Variants in NR5A1 observed in about 807,000 individuals in gnomAD.
NR5A1 encodes the protein steroidogenic factor 1.
A neutral mutation model predicts 42.7 loss-of-function variants in NR5A1; 6 were observed. The ratio of observed to expected loss-of-function variants is 0.14; its 90% CI spans 0.08 to 0.28. NR5A1 has a LOEUF of 0.28. NR5A1 is among the 10% of genes least tolerant of loss of function. The probability of loss-of-function intolerance (pLI) is 1.00; values close to 1 mark genes in which losing one functional copy is unlikely to be tolerated. For synonymous variants in NR5A1, 274 were observed against 277.5 expected (o/e 0.99, Z 0.12); for missense variants, 442 against 626.4 (o/e 0.71, Z 3.14).
intron 4 of NR5A1, among the ~76,000 whole-genome samples, chr9:124,497,263 G>C (rs149860416): frequency 0.013 from 1,976 of 152,288 alleles, 25 homozygotes; most frequent in Middle Eastern, 0.031. Flanking sequence ...TCAAGACGAG[G>C]AAACTGAGGC....
chr9:124,500,093 C>G lies in NR5A1; in HGVS notation c.867G>C (p.Leu289=). Residue 289 remains leucine, a synonymous_variant, in exon 4 of 7, where the codon CTG becomes CTC. Coordinates refer to ENST00000373588, the MANE Select transcript of NR5A1 (RefSeq NM_004959.5). This position sits in a 1 kb window ranked among gnomAD's most constrained non-coding sequence, Gnocchi z 6.9. Reference sequence around the variant, plus strand: ...CCGGGCGGGAGGAGAGACTCACCTCCAGCTCCTTGAAGACCATGCACCTGC... The same window carrying G: ...CCGGGCGGGAGGAGAGACTCACCTCGAGCTCCTTGAAGACCATGCACCTGC... The part of the protein sequence containing the change: ...WARRCMVFKE[L]EVADQMTLLQ... 6.2e-7 allele frequency: 1 copy of G among 1,613,130 alleles called. No individual in the cohort carries two copies. The highest frequency in any genetic ancestry group is 8.5e-7 in the Non-Finnish European group (1 of 1,180,036).
chr9:124,504,298 G>C (rs781660328), intron 1 of NR5A1, among the ~76,000 whole-genome samples: 2 of 152,188 alleles, frequency 1.3e-5, no homozygotes, highest in Non-Finnish European at 2.9e-5. Context: ...CAGGGGACGC[G>C]CGGAAACCTG....
At chr9:124,507,183 A>C (rs1187095243) in intron 1 of NR5A1, 66 bp downstream of exon 1, 1 of 152,480 alleles carries the variant, frequency 6.6e-6, no homozygotes, top group Non-Finnish European at 1.5e-5. Context: ...TGGCCGGCCC[A>C]GGCTGCAGGG....
chr9:124,506,579 C>T (rs1832563893), intron 1 of NR5A1, among the ~76,000 whole-genome samples: 1 of 152,230 alleles, frequency 6.6e-6, no homozygotes, highest in African/African-American at 2.4e-5. Context: ...GCTGGACACA[C>T]AGGCCCCAGC....
intron 5 of NR5A1, 128 bp from the exon 6 acceptor site, chr9:124,491,356 G>T (rs1048287096): frequency 4.1e-6 from 3 of 728,278 alleles, no homozygotes; most frequent in East Asian, 2.6e-5. Flanking sequence ...GGCGTCAGGA[G>T]GGCCCAGCCT....
In NR5A1 at chr9:124,503,031, C is replaced by A. The variant is rs1407741887; in HGVS notation, c.244+48G>T. 9.8e-6 allele frequency: 15 copies of A among 1,535,306 alleles called. No individual in the cohort carries two copies. The highest frequency in any genetic ancestry group is 1.3e-5 in the Non-Finnish European group (15 of 1,145,550). On this transcript the variant is annotated intron_variant, in intron 3 of 6. Transcript: ENST00000373588. The surrounding 1 kb of genome is among the most constrained non-coding windows in gnomAD (Gnocchi z 9.6). ...CCCCTCTCCCACCCCCACCCCCTAC[C>A]CCCTCAGGCTGTGGGGGGTCAGGGG... is the stretch of plus-strand genomic sequence containing the variant.
At chr9:124,491,022 C>G in intron 6 of NR5A1, 59 bp downstream of exon 6, 2 of 552,562 alleles carry the variant, frequency 3.6e-6, no homozygotes, top group East Asian at 5.4e-5. Context: ...GCCTCACCCA[C>G]CCTCCCACCC....
intron 6 of NR5A1, among the ~76,000 whole-genome samples, chr9:124,487,264 T>C (rs1832227514): frequency 6.6e-6 from 1 of 152,248 alleles, no homozygotes; most frequent in African/African-American, 2.4e-5. Flanking sequence ...GTTGTCCCAA[T>C]AGCGGTAACT....
rs559056996 is a variant in NR5A1 at position 124,496,205 on chromosome 9, C to T, written c.871-3056G>A. On this transcript the variant is annotated intron_variant, in intron 4 of 6. Transcript: ENST00000373588. This position sits in a 1 kb window ranked among gnomAD's most constrained non-coding sequence, Gnocchi z 5.0. ...ATGCGCACACACACACACACACACA[C>T]ACAACCTCTTTTTATTTAAAAGAAA... Among the ~76,000 whole-genome samples, 13 of 152,090 alleles carry T rather than the reference C, an allele frequency of 8.5e-5. 1 individual carries two copies. In the South Asian group the frequency reaches 2.7e-3, roughly 32 times the overall value.
At chr9:124,486,743 C>T (rs7028021) in intron 6 of NR5A1, among the ~76,000 whole-genome samples, 62,021 of 152,000 alleles carry the variant, frequency 0.41, 13,952 homozygotes, top group Non-Finnish European at 0.51. Context: ...AAGATTCCAG[C>T]GGATAACACA....
intron 5 of NR5A1, among the ~76,000 whole-genome samples, chr9:124,491,547 G>C (rs1412706631): frequency 6.6e-6 from 1 of 152,154 alleles, no homozygotes; most frequent in Non-Finnish European, 1.5e-5. Flanking sequence ...AGCTCAGGGG[G>C]CCCCTCTACA....
chr9:124,486,146 G>T (rs972987071), intron 6 of NR5A1, among the ~76,000 whole-genome samples: 1 of 152,054 alleles, frequency 6.6e-6, no homozygotes, highest in African/African-American at 2.4e-5. Flanking sequence ...TTTCAGGGAT[G>T]CCCCCACCCC....
chr9:124,485,403 G>A (rs1471197422), intron 6 of NR5A1, among the ~76,000 whole-genome samples: 1 of 152,098 alleles, frequency 6.6e-6, no homozygotes, highest in Admixed American at 6.5e-5. Context: ...AGAGCGCCAC[G>A]CTCCTGGCAA....
intron 6 of NR5A1, among the ~76,000 whole-genome samples, chr9:124,483,557 C>A (rs1439593027): frequency 6.6e-6 from 1 of 152,174 alleles, no homozygotes; most frequent in East Asian, 1.9e-4. Context: ...ACAATAATGC[C>A]ATCACAATGG....
In NR5A1 at chr9:124,500,835, G is replaced by T; in HGVS notation, c.245-120C>A. The T allele has an allele frequency of 6.7e-7, 1 of 1,485,640 alleles. No individual in the cohort carries two copies. The highest frequency in any genetic ancestry group is 9.3e-7 in the Non-Finnish European group (1 of 1,072,684). 92.0% of individuals were successfully genotyped at this position (1,485,640 alleles called of 1,614,324 possible). On this transcript the variant is annotated intron_variant, in intron 3 of 6. Transcript: ENST00000373588. This position sits in a 1 kb window ranked among gnomAD's most constrained non-coding sequence, Gnocchi z 6.9. Reference sequence around the variant, plus strand: ...CTCCCCTGCTCAACACCCTTTCATGGCTCCCACTGACCACAGGGGAAGTCA... The same window carrying T: ...CTCCCCTGCTCAACACCCTTTCATGTCTCCCACTGACCACAGGGGAAGTCA...
At position 124,496,895 on chromosome 9, in the gene NR5A1, G is replaced by A. The variant is rs1272903460; in HGVS notation, c.870+3195C>T. ...CTGTCCTTCGCAGTAAGTGACGAGAGGCTGACTGCCTGGGCCCTGGGCACT... is the reference window on the plus strand; with the variant it reads ...CTGTCCTTCGCAGTAAGTGACGAGAAGCTGACTGCCTGGGCCCTGGGCACT... On this transcript the variant is annotated intron_variant, in intron 4 of 6. Transcript: ENST00000373588. The surrounding 1 kb of genome is among the most constrained non-coding windows in gnomAD (Gnocchi z 5.0). Among the ~76,000 whole-genome samples the A allele has an allele frequency of 6.6e-6, 1 of 152,230 alleles. No homozygotes were observed. The highest frequency in any genetic ancestry group is 1.5e-5 in the Non-Finnish European group (1 of 68,044).
rs1832469661 is a variant in NR5A1, at chr9:124,501,401, G to A, written c.245-686C>T. On this transcript the variant is annotated intron_variant, in intron 3 of 6. Transcript: ENST00000373588. The surrounding 1 kb of genome is among the most constrained non-coding windows in gnomAD (Gnocchi z 4.1). ...GGCCAAGGCTCTATGCTGGGGGAGG[G>A]GACCTCTCTTGCCGACTAGAAGCTC... is the stretch of plus-strand genomic sequence containing the variant. Among the ~76,000 whole-genome samples the A allele has an allele frequency of 6.6e-6, 1 of 152,194 alleles. No individual in the cohort carries two copies. Among genetic ancestry groups the A allele is most frequent in the Admixed American group, 6.5e-5 (1 of 15,284 alleles).
chr9:124,481,353 C>CGG lies in NR5A1; in HGVS notation c.*1403_*1404dup, dbSNP rs201696716. The CGG allele has an allele frequency of 1.6e-4, 9 of 56,298 alleles. 1 individual carries two copies. The highest frequency in any genetic ancestry group is 6.3e-4 in the African/African-American group (9 of 14,264). The allele number at this position is 56,298 out of a possible 1,614,324, so 3.5% of individuals were successfully genotyped here. ...TGGCAGGGGCACATGTTTCAGGGGGCGGGGAGGGGAGGTACTGAGACAGGG... is the reference window on the plus strand; with the variant it reads ...TGGCAGGGGCACATGTTTCAGGGGGCGGGGGGAGGGGAGGTACTGAGACAGGG... On this transcript the variant is annotated 3_prime_UTR_variant, in exon 7 of 7. Coordinates refer to ENST00000373588, the MANE Select transcript of NR5A1 (RefSeq NM_004959.5).
rs1832395063 is a variant in NR5A1 at position 124,496,693 on chromosome 9, G to C, written c.870+3397C>G. On this transcript the variant is annotated intron_variant, in intron 4 of 6. Coordinates refer to ENST00000373588, the MANE Select transcript of NR5A1 (RefSeq NM_004959.5). This position sits in a 1 kb window ranked among gnomAD's most constrained non-coding sequence, Gnocchi z 5.0. Reference sequence around the variant, plus strand: ...CAGAGTGGTCAGTGAGGTGTCATTTGTCAGCCCAGGACTGACAGTTACTGC... The same window carrying C: ...CAGAGTGGTCAGTGAGGTGTCATTTCTCAGCCCAGGACTGACAGTTACTGC... Among the ~76,000 whole-genome samples the C allele has an allele frequency of 6.6e-6, 1 of 152,220 alleles. No individual in the cohort carries two copies. The highest frequency in any genetic ancestry group is 6.5e-5 in the Admixed American group (1 of 15,286).
Sources: gnomAD v4.1 joint callset for allele counts (sites outside exome capture counted in the v4.1 genomes callset) on GRCh38, gnomAD v4.1.1 for gene constraint, Gnocchi (gnomAD v3.1) non-coding constraint, MANE v1.5 for transcripts, NCBI Gene and HGNC (gene_info 2026-07-23, HGNC 2026-07-21) for gene names.